The following IKZF3 variants were observed in gnomAD, a reference collection of about 807,000 sequenced individuals.
The protein encoded by IKZF3 is zinc finger protein Aiolos.
IKZF3 carries 10 observed loss-of-function variants against 49.0 expected under a neutral mutation model. The observed-to-expected ratio is 0.20, with a 90% confidence interval of 0.13 to 0.35. IKZF3 has a LOEUF of 0.35. Among genes scored for constraint, IKZF3 ranks in the 10% least tolerant of loss-of-function variants. The probability of loss-of-function intolerance (pLI) is 1.00; values close to 1 mark genes in which losing one functional copy is unlikely to be tolerated. For synonymous variants in IKZF3, 209 were observed against 228.2 expected, an observed-to-expected ratio of 0.92 and a Z score of 0.76; for missense variants, 498 against 664.8, an observed-to-expected ratio of 0.75 and a Z score of 2.76.
At chr17:39,858,111 G>C (rs1017586701) in intron 1 of IKZF3, among the ~76,000 whole-genome samples, 1 of 152,056 alleles carries the variant, frequency 6.6e-6, no homozygotes, top group African/African-American at 2.4e-5. Context: ...TAATAGTTTT[G>C]TTCTGTTTCA....
chr17:39,856,059 A>G (rs962268312), intron 1 of IKZF3, among the ~76,000 whole-genome samples: 1 of 146,886 alleles, frequency 6.8e-6, no homozygotes, highest in Non-Finnish European at 1.5e-5. Context: ...TATATGTACA[A>G]TATAACATGT....
At chr17:39,804,756 C>G (rs148192475) in intron 3 of IKZF3, among the ~76,000 whole-genome samples, 8 of 152,272 alleles carry the variant, frequency 5.3e-5, no homozygotes, top group African/African-American at 1.9e-4. Context: ...CTTTTTAAAT[C>G]TCTTTCCTTG....
At chr17:39,791,622 C>A (rs376959823) in intron 4 of IKZF3, 39 bp from the exon 5 acceptor site, 1 of 1,602,722 alleles carries the variant, frequency 6.2e-7, no homozygotes, top group African/African-American at 1.3e-5. Flanking sequence ...TGGTCACAGG[C>A]AAGTGGAGAA....
chr17:39,780,477 C>T (rs1340302950), intron 6 of IKZF3, among the ~76,000 whole-genome samples: 1 of 152,064 alleles, frequency 6.6e-6, no homozygotes, highest in African/African-American at 2.4e-5. Flanking sequence ...AATCCTTCTA[C>T]CTCAGGTTCC....
At chr17:39,846,741 T>G (rs1317641559) in intron 1 of IKZF3, among the ~76,000 whole-genome samples, 1 of 152,106 alleles carries the variant, frequency 6.6e-6, no homozygotes, top group Non-Finnish European at 1.5e-5. Flanking sequence ...TGCCTTTATT[T>G]CTAATACTGT....
At chr17:39,807,569 T>C (rs79610126) in intron 3 of IKZF3, among the ~76,000 whole-genome samples, 17 of 141,862 alleles carry the variant, frequency 1.2e-4, no homozygotes, top group Non-Finnish European at 2.3e-4. Flanking sequence ...TTTTTTTTTT[T>C]GTAGAGACGG....
intron 7 of IKZF3, among the ~76,000 whole-genome samples, chr17:39,769,458 T>C (rs1013572182): frequency 6.6e-6 from 1 of 152,178 alleles, no homozygotes. Context: ...TACCCTGTCT[T>C]GGAAACTCAA....
intron 1 of IKZF3, among the ~76,000 whole-genome samples, chr17:39,852,850 A>T (rs1419643614): frequency 2.0e-5 from 3 of 152,152 alleles, no homozygotes. Flanking sequence ...GCGTGCCTAT[A>T]ATCTCAGCTA....
intron 1 of IKZF3, among the ~76,000 whole-genome samples, chr17:39,850,080 C>T (rs8071789): frequency 0.45 from 26,162 of 57,926 alleles, 8,377 homozygotes; most frequent in African/African-American, 0.7. Flanking sequence ...ATACTATATG[C>T]ATATATACTA....
chr17:39,765,783 C>G lies in IKZF3; in HGVS notation c.*7G>C, dbSNP rs982655715. On this transcript the variant is annotated 3_prime_UTR_variant, in exon 8 of 8. Coordinates refer to ENST00000346872, the MANE Select transcript of IKZF3 (RefSeq NM_012481.5). ...AATACATAGGAGCAATCCCTGAGAC[C>G]AGATATTCACTTCAGCAGGGCTCTG... 1 of 1,581,266 alleles carries G rather than the reference C, an allele frequency of 6.3e-7. No individual in the cohort carries two copies. The highest frequency in any genetic ancestry group is 1.3e-5 in the African/African-American group (1 of 74,444).
intron 6 of IKZF3, among the ~76,000 whole-genome samples, chr17:39,786,093 G>A (rs2060867826): frequency 6.6e-6 from 1 of 152,200 alleles, no homozygotes; most frequent in Admixed American, 6.5e-5. Flanking sequence ...GCACAGCACT[G>A]CTTTTGCGGA....
At chr17:39,777,580 T>C in intron 7 of IKZF3, 71 bp downstream of exon 7, 1 of 1,054,082 alleles carries the variant, frequency 9.5e-7, no homozygotes, top group Admixed American at 2.0e-5. Context: ...AGGCCTTGTG[T>C]AGCAAGCATC....
chr17:39,788,243 G>C lies in IKZF3; in HGVS notation c.709+15C>G. On this transcript the variant is annotated intron_variant, in intron 6 of 7. Transcript: ENST00000346872. ...GACAGCAGATGCTCACTAAACGTGTGTTGCGTGAACTCACCAGTGTCCCCT... is the reference window on the plus strand; with the variant it reads ...GACAGCAGATGCTCACTAAACGTGTCTTGCGTGAACTCACCAGTGTCCCCT... The C allele has an allele frequency of 6.6e-7, 1 of 1,513,674 alleles. No individual in the cohort carries two copies. Among genetic ancestry groups the C allele is most frequent in the Non-Finnish European group, 9.2e-7 (1 of 1,088,928 alleles). 93.8% of individuals were successfully genotyped at this position (1,513,674 alleles called of 1,614,324 possible). A position where few individuals can be genotyped will look rare whatever the true frequency, so the allele number is the denominator to read the frequency against.
chr17:39,860,250 T>TAAA (rs5820305), intron 1 of IKZF3, among the ~76,000 whole-genome samples: 2 of 138,528 alleles, frequency 1.4e-5, no homozygotes, highest in African/African-American at 2.6e-5. Context: ...AAAATAATAA[T>TAAA]AAAAAAAAAA....
Position 39,864,223 on chromosome 17 carries a change from T to G in IKZF3, c.-97A>C. ...GACTCAGCGCGCAGCTGGCGGGAGA[T>G]TCCCGGCGCGGGGAGTCCCCGGGAT... On this transcript the variant is annotated 5_prime_UTR_variant, in exon 1 of 8. Transcript: ENST00000346872. 1 of 1,431,822 alleles carries G rather than the reference T, an allele frequency of 7.0e-7. No homozygotes were observed. Among genetic ancestry groups the G allele is most frequent in the Non-Finnish European group, 9.5e-7 (1 of 1,054,008 alleles). The allele number at this position is 1,431,822 out of a possible 1,614,324, so 88.7% of individuals were successfully genotyped here.
intron 1 of IKZF3, among the ~76,000 whole-genome samples, chr17:39,838,312 C>T (rs1026563717): frequency 6.6e-6 from 1 of 152,126 alleles, no homozygotes; most frequent in Non-Finnish European, 1.5e-5. Context: ...CCCCACAATG[C>T]TTTTTTCTCT....
chr17:39,851,068 T>G (rs35222145), intron 1 of IKZF3, among the ~76,000 whole-genome samples: 64,325 of 147,186 alleles, frequency 0.44, 14,259 homozygotes, highest in Non-Finnish European at 0.47. Flanking sequence ...TATATATATA[T>G]ATAGAGAGAG....
At chr17:39,852,949 TGA>T (rs1273366616) in intron 1 of IKZF3, among the ~76,000 whole-genome samples, 3 of 151,956 alleles carry the variant, frequency 2.0e-5, no homozygotes, top group Non-Finnish European at 4.4e-5. Flanking sequence ...CCAGCCTGGG[TGA>T]CAGAGTGAGA....
At chr17:39,790,556 C>A (rs1201859975) in intron 5 of IKZF3, among the ~76,000 whole-genome samples, 1 of 151,936 alleles carries the variant, frequency 6.6e-6, no homozygotes, top group South Asian at 2.1e-4. Context: ...TAAAAACAAG[C>A]CTTTTTTTCC....
Sources: gnomAD v4.1 joint callset for allele counts (sites outside exome capture counted in the v4.1 genomes callset) on GRCh38, gnomAD v4.1.1 for gene constraint, MANE v1.5 for transcripts, NCBI Gene and HGNC (gene_info 2026-07-23, HGNC 2026-07-21) for gene names.